The following CLSTN1 variants were observed in gnomAD, a reference collection of about 807,000 sequenced individuals.
CLSTN1 encodes calsyntenin-1.
A neutral mutation model predicts 108.3 loss-of-function variants in CLSTN1; 28 were observed. That is an observed-to-expected ratio of 0.26 (90% CI 0.19 to 0.35). CLSTN1 has a LOEUF of 0.35. Ranked by LOEUF, CLSTN1 falls within the 10% of genes least tolerant of loss-of-function variation. The probability of loss-of-function intolerance (pLI) is 1.00; values close to 1 mark genes in which losing one functional copy is unlikely to be tolerated. For synonymous variants in CLSTN1, 524 were observed against 534.9 expected (o/e 0.98, Z 0.28); for missense variants, 1,157 against 1,302.6 (o/e 0.89, Z 1.72).
intron 2 of CLSTN1, among the ~76,000 whole-genome samples, chr1:9,772,228 G>A (rs1205307042): frequency 1.5e-5 from 2 of 135,268 alleles, no homozygotes; most frequent in African/African-American, 2.8e-5. Context: ...CTTGTGACCC[G>A]CCCGCCTCGG....
Position 9,729,775 on chromosome 1 carries a change from C to G in CLSTN1, c.*733G>C, listed in dbSNP as rs1358583640. 1 of 152,556 alleles carries G rather than the reference C, an allele frequency of 6.6e-6. No homozygotes were observed. Among genetic ancestry groups the G allele is most frequent in the Non-Finnish European group, 1.5e-5 (1 of 68,328 alleles). 9.5% of individuals were successfully genotyped at this position (152,556 alleles called of 1,614,324 possible). ...GCAAGGCCCGGCCACTTGTAGCTAC[C>G]CTGATCCAGTCTCTTGAGCAGCACA... On this transcript the variant is annotated 3_prime_UTR_variant, in exon 19 of 19. Coordinates refer to ENST00000377298, the MANE Select transcript of CLSTN1 (RefSeq NM_001009566.3).
At chr1:9,732,241 G>A (rs1046070620) in intron 16 of CLSTN1, among the ~76,000 whole-genome samples, 31 of 152,080 alleles carry the variant, frequency 2.0e-4, no homozygotes, top group Non-Finnish European at 8.8e-5. Context: ...GGGCTGGAGC[G>A]CAGTAGCTAT....
intron 1 of CLSTN1, among the ~76,000 whole-genome samples, chr1:9,821,401 G>C (rs1415627550): frequency 6.6e-6 from 1 of 152,188 alleles, no homozygotes; most frequent in African/African-American, 2.4e-5. Context: ...CCAAAGTGCT[G>C]GGATTACAGG....
chr1:9,778,152 A>G (rs1171169658), intron 1 of CLSTN1, among the ~76,000 whole-genome samples: 4 of 152,004 alleles, frequency 2.6e-5, no homozygotes, highest in Non-Finnish European at 5.9e-5. Flanking sequence ...AGTTCATTAC[A>G]TATAAAATGT....
intron 2 of CLSTN1, among the ~76,000 whole-genome samples, chr1:9,762,409 C>T (rs555213199): frequency 1.3e-5 from 2 of 151,518 alleles, no homozygotes; most frequent in East Asian, 2.0e-4. Flanking sequence ...TGCAGTGAGC[C>T]GAGATCACGC....
At chr1:9,773,434 A>C in intron 1 of CLSTN1, 40 bp from the exon 2 acceptor site, 1 of 1,551,062 alleles carries the variant, frequency 6.4e-7, no homozygotes, top group Non-Finnish European at 8.7e-7. Context: ...CAAGGTTAGA[A>C]ATATTATTTT....
At chr1:9,815,991 A>G (rs1654953169) in intron 1 of CLSTN1, among the ~76,000 whole-genome samples, 1 of 152,178 alleles carries the variant, frequency 6.6e-6, no homozygotes, top group African/African-American at 2.4e-5. Flanking sequence ...CTAAGACCCA[A>G]CAATTCCACT....
chr1:9,773,236 CGATTCATCAA>C, intron 2 of CLSTN1, 26 bp downstream of exon 2: 1 of 1,612,400 alleles, frequency 6.2e-7, no homozygotes, highest in Non-Finnish European at 8.5e-7. Flanking sequence ...TGACCAGGCC[CGATTCATCAA>C]GAGTCAATGA....
chr1:9,759,424 T>C (rs1486733289), intron 2 of CLSTN1, among the ~76,000 whole-genome samples: 1 of 152,128 alleles, frequency 6.6e-6, no homozygotes, highest in Non-Finnish European at 1.5e-5. Context: ...TACAGGTGCC[T>C]GCCACCACAC....
At chr1:9,755,684 G>C (rs1383083811) in intron 3 of CLSTN1, among the ~76,000 whole-genome samples, 1 of 152,130 alleles carries the variant, frequency 6.6e-6, no homozygotes, top group Non-Finnish European at 1.5e-5. Context: ...CCAGCTCCTG[G>C]GAGGGCTGGC....
rs34337087 is a variant in CLSTN1 at position 9,811,731 on chromosome 1, C to CAA, written c.91+11910_91+11911dup. Among the ~76,000 whole-genome samples, 725 of 78,774 alleles carry CAA rather than the reference C, an allele frequency of 9.2e-3. 8 individuals carry two copies. The highest frequency in any genetic ancestry group is 0.022 in the African/African-American group (690 of 31,288). The allele number at this position is 78,774 out of a possible 152,430, so 51.7% of individuals were successfully genotyped here. A position where few individuals can be genotyped will look rare whatever the true frequency, so the allele number is the denominator to read the frequency against. On this transcript the variant is annotated intron_variant, in intron 1 of 18. Transcript: ENST00000377298. Reference sequence around the variant, plus strand: ...TCTGACAAATGCTTGAAATGCATGGCAAAAAAAAAAAAAAAAAGAGTAGGG... The same window carrying CAA: ...TCTGACAAATGCTTGAAATGCATGGCAAAAAAAAAAAAAAAAAAAGAGTAGGG...
In CLSTN1 at chr1:9,823,078, G is replaced by C. The variant is rs1046706733; in HGVS notation, c.91+565C>G. 2.6e-5 allele frequency among the ~76,000 whole-genome samples: 4 copies of C among 152,214 alleles called. No homozygotes were observed. The highest frequency in any genetic ancestry group is 2.6e-4 in the Admixed American group (4 of 15,284). ...AAGGACTCTGGGAGGAGGCGGAAAG[G>C]GGCGAAGTCGTGGTGTCCGCGGTGC... On this transcript the variant is annotated intron_variant, in intron 1 of 18. Coordinates refer to ENST00000377298, the MANE Select transcript of CLSTN1 (RefSeq NM_001009566.3). The surrounding 1 kb of genome is among the most constrained non-coding windows in gnomAD (Gnocchi z 6.3).
intron 1 of CLSTN1, among the ~76,000 whole-genome samples, chr1:9,787,805 C>G (rs1653565443): frequency 6.6e-6 from 1 of 151,340 alleles, no homozygotes; most frequent in Non-Finnish European, 1.5e-5. Flanking sequence ...TAAGTACATT[C>G]ACACTGTCAT....
intron 1 of CLSTN1, among the ~76,000 whole-genome samples, chr1:9,800,485 C>T (rs564955097): frequency 2.0e-5 from 3 of 147,940 alleles, no homozygotes; most frequent in Non-Finnish European, 4.4e-5. Context: ...TTTGGGAGGC[C>T]GAGACAGGAG....
chr1:9,785,599 C>CA (rs1653450184), intron 1 of CLSTN1, among the ~76,000 whole-genome samples: 1 of 152,152 alleles, frequency 6.6e-6, no homozygotes, highest in East Asian at 1.9e-4. Context: ...GCGGCCTCCC[C>CA]ACCAAGATGT....
chr1:9,788,576 A>G (rs1653604536), intron 1 of CLSTN1, among the ~76,000 whole-genome samples: 1 of 149,210 alleles, frequency 6.7e-6, no homozygotes, highest in Non-Finnish European at 1.5e-5. Flanking sequence ...CAAAAAAAAA[A>G]GGAATTTGAG....
chr1:9,773,254 T>G lies in CLSTN1; in HGVS notation c.214+18A>C, dbSNP rs143547195. ...CCAGGCCCGATTCATCAAGAGTCAA[T>G]GAAAGCCCCGTTCCTACCTGCAAAT... On this transcript the variant is annotated intron_variant, in intron 2 of 18. Coordinates refer to ENST00000377298, the MANE Select transcript of CLSTN1 (RefSeq NM_001009566.3). 1 of 1,613,558 alleles carries G rather than the reference T, an allele frequency of 6.2e-7. No individual in the cohort carries two copies. The highest frequency in any genetic ancestry group is 1.3e-5 in the African/African-American group (1 of 75,010).
At position 9,731,304 on chromosome 1, in the gene CLSTN1, C is replaced by A; in HGVS notation, c.2650G>T (p.Ala884Ser). The A allele has an allele frequency of 6.2e-7, 1 of 1,614,232 alleles. No individual in the cohort carries two copies. Among genetic ancestry groups the A allele is most frequent in the Non-Finnish European group, 8.5e-7 (1 of 1,180,042 alleles). The part of the protein sequence containing the change: ...MIILGVFRIR[A>S]AHRRTMRDQD... ...TCCCGCATGGTCCGCCGATGTGCGG[C>A]CCGGATCCGAAATACCCCCAGGATA... The change falls in exon 18 of 19, where the codon GCC becomes TCC. Residue 884 changes from alanine to serine, a missense_variant. By Grantham distance (99) the Ala-to-Ser change is moderately conservative. Transcript: ENST00000377298.
At chr1:9,807,932 TCC>T (rs1209187409) in intron 1 of CLSTN1, among the ~76,000 whole-genome samples, 19 of 152,240 alleles carry the variant, frequency 1.2e-4, no homozygotes, top group Non-Finnish European at 2.1e-4. Context: ...TACCTCGGCC[TCC>T]TAGCCCCTTC....
Sources: allele counts gnomAD v4.1 joint callset (sites outside exome capture counted in the v4.1 genomes callset), GRCh38; gene constraint gnomAD v4.1.1; non-coding constraint Gnocchi (gnomAD v3.1); transcripts MANE v1.5; gene names NCBI Gene and HGNC (gene_info 2026-07-23, HGNC 2026-07-21).